The following PAN3 variants were observed in gnomAD, a reference collection of about 807,000 sequenced individuals.
PAN3 encodes PAN2-PAN3 deadenylation complex subunit PAN3.
In PAN3, 19 loss-of-function variants were observed where a neutral mutation model predicts 96.2. The observed-to-expected ratio is 0.20, with a 90% CI of 0.14 to 0.29. The LOEUF is 0.29. Ranked by LOEUF, PAN3 falls within the 10% of genes least tolerant of loss-of-function variation. The pLI is 1.00. For missense variants in PAN3, 882 were observed against 1,108.1 expected (o/e 0.80, Z 2.90); for synonymous variants, 433 against 406.6 (o/e 1.06, Z -0.78).
At chr13:28,214,217 TGTGTATTTGTTTACAAATGAAAC>T (rs2138340846) in intron 5 of PAN3, among the ~76,000 whole-genome samples, 1 of 152,348 alleles carries the variant, frequency 6.6e-6, no homozygotes, top group Non-Finnish European at 1.5e-5. Context: ...AATAATGAAA[TGTGTATTTGTTTACAAATGAAAC>T]GTGTATTTGT....
intron 9 of PAN3, among the ~76,000 whole-genome samples, chr13:28,263,532 T>C (rs1382203970): frequency 6.6e-6 from 1 of 152,190 alleles, no homozygotes; most frequent in African/African-American, 2.4e-5. Flanking sequence ...GGTTTCACCA[T>C]GTTGCTGAGG....
chr13:28,188,792 A>G (rs1040261143), intron 4 of PAN3, among the ~76,000 whole-genome samples: 11 of 152,192 alleles, frequency 7.2e-5, no homozygotes, highest in African/African-American at 2.7e-4. Flanking sequence ...TGTGACTGAT[A>G]ATGTGAGGCA....
chr13:28,259,166 C>G (rs180952020), intron 7 of PAN3, among the ~76,000 whole-genome samples: 1,852 of 151,172 alleles, frequency 0.012, 16 homozygotes, highest in Non-Finnish European at 0.017. Flanking sequence ...CTTCCCCTGT[C>G]CCCCAGGCTG....
At position 28,294,885 on chromosome 13, in the gene PAN3, T is replaced by C. The variant is rs1421389921; in HGVS notation, c.*2363T>C. 2 of 152,220 alleles carry C rather than the reference T, an allele frequency of 1.3e-5. No homozygotes were observed. Among genetic ancestry groups the C allele is most frequent in the African/African-American group, 4.8e-5 (2 of 41,450 alleles). The allele number at this position is 152,220 out of a possible 1,614,324, so 9.4% of individuals were successfully genotyped here. On this transcript the variant is annotated 3_prime_UTR_variant, in exon 19 of 19. Transcript: ENST00000380958. ...TTATTGGGAATGGTTTTCAAAGAACTCTCAGTTCTGCCTAGGTGTTTTTGG... is the reference window on the plus strand; with the variant it reads ...TTATTGGGAATGGTTTTCAAAGAACCCTCAGTTCTGCCTAGGTGTTTTTGG...
At chr13:28,229,034 G>C (rs1367391689) in intron 6 of PAN3, among the ~76,000 whole-genome samples, 1 of 152,170 alleles carries the variant, frequency 6.6e-6, no homozygotes, top group East Asian at 1.9e-4. Context: ...AGAAAGGAAG[G>C]GGAAGAGCAT....
chr13:28,281,871 A>G (rs1887500601), intron 17 of PAN3, among the ~76,000 whole-genome samples: 3 of 151,230 alleles, frequency 2.0e-5, no homozygotes, highest in Admixed American at 6.6e-5. Flanking sequence ...CCCAGGTTCA[A>G]GCGATTCTCC....
intron 12 of PAN3, 96 bp from the exon 13 acceptor site, chr13:28,270,605 G>A (rs1051599014): frequency 5.6e-6 from 7 of 1,247,896 alleles, no homozygotes; most frequent in Admixed American, 4.2e-5. Flanking sequence ...TGTGCCATGA[G>A]TGTACATGAA....
At chr13:28,200,091 A>G (rs1039999895) in intron 5 of PAN3, among the ~76,000 whole-genome samples, 1 of 152,212 alleles carries the variant, frequency 6.6e-6, no homozygotes, top group Non-Finnish European at 1.5e-5. Context: ...AGAGGAACAG[A>G]TATTTGAGTC....
chr13:28,233,217 T>A (rs1270279518), intron 6 of PAN3, among the ~76,000 whole-genome samples: 2 of 151,992 alleles, frequency 1.3e-5, no homozygotes, highest in Admixed American at 6.6e-5. Flanking sequence ...GAGAAGGGAT[T>A]TTTGTGATTT....
At chr13:28,284,988 AT>A (rs1299099746) in intron 17 of PAN3, among the ~76,000 whole-genome samples, 1 of 152,146 alleles carries the variant, frequency 6.6e-6, no homozygotes, top group Non-Finnish European at 1.5e-5. Flanking sequence ...ATGGTATGTC[AT>A]TCTATTTGTT....
At chr13:28,196,578 T>C (rs1009534554) in intron 4 of PAN3, among the ~76,000 whole-genome samples, 1 of 152,046 alleles carries the variant, frequency 6.6e-6, no homozygotes, top group African/African-American at 2.4e-5. Context: ...GAGGTTTTTT[T>C]TTTTCATTGA....
intron 1 of PAN3, among the ~76,000 whole-genome samples, chr13:28,148,965 G>A (rs1468812139): frequency 6.6e-6 from 1 of 151,802 alleles, no homozygotes; most frequent in African/African-American, 2.4e-5. Flanking sequence ...AATGTACTAT[G>A]TATATTTATT....
intron 1 of PAN3, among the ~76,000 whole-genome samples, chr13:28,154,321 G>A (rs1053795269): frequency 6.6e-5 from 10 of 152,050 alleles, no homozygotes; most frequent in African/African-American, 2.2e-4. Context: ...GAAACAGTGG[G>A]ATCTCAGCTG....
intron 1 of PAN3, among the ~76,000 whole-genome samples, chr13:28,158,088 G>A (rs990777345): frequency 6.6e-6 from 1 of 152,186 alleles, no homozygotes; most frequent in Non-Finnish European, 1.5e-5. Flanking sequence ...ACAAAAACGA[G>A]CAATGGGGAA....
chr13:28,186,352 A>G (rs1876465524), intron 4 of PAN3, among the ~76,000 whole-genome samples: 1 of 152,200 alleles, frequency 6.6e-6, no homozygotes, highest in Non-Finnish European at 1.5e-5. Flanking sequence ...CCCTATGTTA[A>G]TTTTGAGATA....
At chr13:28,195,913 C>T (rs957346516) in intron 4 of PAN3, among the ~76,000 whole-genome samples, 1 of 152,048 alleles carries the variant, frequency 6.6e-6, no homozygotes, top group Non-Finnish European at 1.5e-5. Flanking sequence ...GAATAATTTA[C>T]ATAGGCATTA....
At chr13:28,271,555 T>G (rs1347590100) in intron 13 of PAN3, among the ~76,000 whole-genome samples, 3 of 152,230 alleles carry the variant, frequency 2.0e-5, no homozygotes, top group Non-Finnish European at 2.9e-5. Flanking sequence ...TCCATTCTGC[T>G]TATTTATGAG....
chr13:28,238,004 G>A (rs950615096), intron 6 of PAN3, among the ~76,000 whole-genome samples: 1 of 152,172 alleles, frequency 6.6e-6, no homozygotes, highest in Non-Finnish European at 1.5e-5. Flanking sequence ...CTGCATTTGT[G>A]TGTTTTTATT....
Position 28,138,948 on chromosome 13 carries a change from C to A in PAN3, c.291C>A (p.Gly97=). ...PLALAGAPVA[G]FPPGAVAGGG... is the part of the protein sequence containing the mutation. ...CTCTGGCTGGTGCACCCGTGGCCGG[C>A]TTTCCGCCGGGAGCCGTCGCGGGCG... The change falls in exon 1 of 19, where the codon GGC becomes GGA. Residue 97 remains glycine, a synonymous_variant. Coordinates refer to ENST00000380958, the MANE Select transcript of PAN3 (RefSeq NM_175854.8). The A allele has an allele frequency of 7.6e-7, 1 of 1,322,530 alleles. No individual in the cohort carries two copies. Among genetic ancestry groups the A allele is most frequent in the South Asian group, 2.2e-5 (1 of 45,772 alleles). The allele number at this position is 1,322,530 out of a possible 1,614,324, so 81.9% of individuals were successfully genotyped here.
Sources: allele counts gnomAD v4.1 joint callset (sites outside exome capture counted in the v4.1 genomes callset), GRCh38; gene constraint gnomAD v4.1.1; transcripts MANE v1.5; gene names NCBI Gene and HGNC (gene_info 2026-07-23, HGNC 2026-07-21).